Variants in CCDC171 observed in about 807,000 individuals in gnomAD.
CCDC171 encodes coiled-coil domain containing 171, also known as coiled-coil domain-containing protein 171.
CCDC171 carries 177 observed loss-of-function variants against 168.2 expected under a neutral mutation model. That is an observed-to-expected ratio of 1.05 (90% confidence interval 0.93 to 1.19). The LOEUF is 1.19. Among genes scored for constraint, CCDC171 ranks in the 50% most tolerant of loss-of-function variants. The pLI is 0.00. For missense variants in CCDC171, 1,991 were observed against 1,539.0 expected (o/e 1.29, Z -4.91); for synonymous variants, 687 against 540.8 (o/e 1.27, Z -3.75).
the CCDC171 span, among the ~76,000 whole-genome samples, chr9:16,067,158 C>G: frequency 7.2e-5 from 11 of 152,064 alleles, no homozygotes; most frequent in Admixed American, 4.6e-4. Flanking sequence ...GCCATTCTAA[C>G]TGGTGTGAGA....
chr9:15,582,496 C>T (rs1222347050), intron 4 of CCDC171, among the ~76,000 whole-genome samples: 1 of 152,132 alleles, frequency 6.6e-6, no homozygotes, highest in African/African-American at 2.4e-5. Flanking sequence ...TTTATTGTGG[C>T]ACTGTTCACA....
At chr9:15,634,199 C>G (rs1186141337) in intron 7 of CCDC171, among the ~76,000 whole-genome samples, 2 of 150,762 alleles carry the variant, frequency 1.3e-5, no homozygotes, top group Non-Finnish European at 3.0e-5. Context: ...AAAGCAGAAC[C>G]CAAACACACA....
intron 20 of CCDC171, among the ~76,000 whole-genome samples, chr9:15,782,087 A>T (rs2057696462): frequency 6.6e-6 from 1 of 152,188 alleles, no homozygotes; most frequent in African/African-American, 2.4e-5. Context: ...TGAAGAAAAG[A>T]TGGTAGTTTC....
At position 15,874,587 on chromosome 9, in the gene CCDC171, T is replaced by G. The variant is rs149814894; in HGVS notation, c.3524T>G (p.Leu1175Arg). 9.0e-3 allele frequency: 14,470 copies of G among 1,607,722 alleles called. 127 individuals carry two copies. The highest frequency in any genetic ancestry group is 0.028 in the South Asian group (2,500 of 89,814). ...WSAASRNDFT[L>R]QLPKLHLETF... ...GCGGCAAGTAGGAATGACTTCACCC[T>G]ACAGCTACCCAAACTGCACCTGGAG... Residue 1175 changes from leucine (L) to arginine (R), a missense_variant, in exon 24 of 26, where the codon CTA (leucine) becomes CGA (arginine). Leu to Arg is a moderately radical substitution (Grantham distance 102). Transcript: ENST00000380701.
intron 21 of CCDC171, among the ~76,000 whole-genome samples, chr9:15,818,597 A>G (rs1046837709): frequency 8.5e-6 from 1 of 117,636 alleles, no homozygotes; most frequent in African/African-American, 3.2e-5. Flanking sequence ...AGTATCAGCG[A>G]TGGAAGATGA....
chr9:15,982,025 T>C (rs965009810), intron 3 of CCDC171, among the ~76,000 whole-genome samples: 2 of 152,202 alleles, frequency 1.3e-5, no homozygotes, highest in African/African-American at 2.4e-5. Flanking sequence ...AAGTTCATAT[T>C]GTAGTTGTAG....
chr9:15,792,904 A>C (rs1446983792), intron 21 of CCDC171, among the ~76,000 whole-genome samples: 1 of 152,150 alleles, frequency 6.6e-6, no homozygotes, highest in Non-Finnish European at 1.5e-5. Context: ...GCTAGGAAGA[A>C]ACTGCATCAA....
chr9:15,939,882 A>T (rs1425605274), intron 25 of CCDC171, among the ~76,000 whole-genome samples: 1 of 151,914 alleles, frequency 6.6e-6, no homozygotes, highest in Non-Finnish European at 1.5e-5. Flanking sequence ...TAAAGTATCA[A>T]TTACATACTC....
At chr9:15,955,766 G>T (rs1336855791) in intron 25 of CCDC171, among the ~76,000 whole-genome samples, 2 of 152,020 alleles carry the variant, frequency 1.3e-5, no homozygotes, top group East Asian at 3.9e-4. Context: ...AATCCTTGCT[G>T]CACTATATTA....
intron 21 of CCDC171, among the ~76,000 whole-genome samples, chr9:15,810,822 G>A (rs1275322194): frequency 6.6e-6 from 1 of 152,226 alleles, no homozygotes; most frequent in Non-Finnish European, 1.5e-5. Flanking sequence ...GCTGGCTTCA[G>A]CATGGGCCGG....
intron 24 of CCDC171, among the ~76,000 whole-genome samples, chr9:15,909,697 A>G (rs767274184): frequency 4.6e-5 from 7 of 152,184 alleles, no homozygotes; most frequent in Non-Finnish European, 8.8e-5. Flanking sequence ...TATTATTAAA[A>G]TATTGGAATG....
At chr9:16,072,622 C>T in the CCDC171 span, among the ~76,000 whole-genome samples, 1 of 152,256 alleles carries the variant, frequency 6.6e-6, no homozygotes. Flanking sequence ...GATCTGGTTT[C>T]TACTTGATCT....
At chr9:16,072,013 C>G in the CCDC171 span, among the ~76,000 whole-genome samples, 2 of 152,132 alleles carry the variant, frequency 1.3e-5, no homozygotes, top group African/African-American at 4.8e-5. Flanking sequence ...GCCATAGGAG[C>G]ATCTTGCTGG....
chr9:15,934,249 G>A (rs1826846891), intron 25 of CCDC171, among the ~76,000 whole-genome samples: 1 of 151,478 alleles, frequency 6.6e-6, no homozygotes, highest in Non-Finnish European at 1.5e-5. Flanking sequence ...GATTAACTGG[G>A]CGTGTTGGCA....
chr9:15,986,661 T>A (rs2132889021), intron 3 of CCDC171, among the ~76,000 whole-genome samples: 1 of 152,332 alleles, frequency 6.6e-6, no homozygotes, highest in East Asian at 1.9e-4. Flanking sequence ...GGAGACCAAC[T>A]TACTGAACTT....
intron 11 of CCDC171, among the ~76,000 whole-genome samples, chr9:15,699,685 T>A (rs1017206913): frequency 2.6e-5 from 4 of 152,060 alleles, no homozygotes; most frequent in African/African-American, 9.7e-5. Flanking sequence ...AACACTGAGC[T>A]AGACACGGGG....
At chr9:15,693,073 G>A (rs561741148) in intron 10 of CCDC171, among the ~76,000 whole-genome samples, 4 of 151,932 alleles carry the variant, frequency 2.6e-5, no homozygotes, top group Non-Finnish European at 5.9e-5. Context: ...GGAGGCGGAG[G>A]TTGCAATGAG....
At chr9:15,721,609 A>AGAAT (rs2053481956) in intron 11 of CCDC171, among the ~76,000 whole-genome samples, 160 bp from the exon 12 acceptor site, 1 of 141,924 alleles carries the variant, frequency 7.0e-6, no homozygotes, top group African/African-American at 2.8e-5. Flanking sequence ...AATTCTATTC[A>AGAAT]AGAATTTTAT....
intron 24 of CCDC171, among the ~76,000 whole-genome samples, chr9:15,900,245 A>G (rs770545533): frequency 1.3e-5 from 2 of 152,192 alleles, no homozygotes; most frequent in Non-Finnish European, 2.9e-5. Flanking sequence ...CAAGAAGCCA[A>G]GGTGTCTGAG....
Sources: allele counts gnomAD v4.1 joint callset (sites outside exome capture counted in the v4.1 genomes callset), GRCh38; gene constraint gnomAD v4.1.1; transcripts MANE v1.5; gene names NCBI Gene and HGNC (gene_info 2026-07-23, HGNC 2026-07-21).